RIMBP2: variants seen among roughly 807,000 people sequenced by gnomAD.
RIMBP2 encodes the protein RIMS-binding protein 2.
In RIMBP2, 48 loss-of-function variants were observed where a neutral mutation model predicts 118.6. The ratio of observed to expected loss-of-function variants is 0.40; its 90% CI spans 0.32 to 0.51. The LOEUF (loss-of-function observed/expected upper bound fraction) is 0.51. Ranked by LOEUF, RIMBP2 falls within the 20% of genes least tolerant of loss-of-function variation. RIMBP2 has a pLI of 0.41. For synonymous variants in RIMBP2, 762 were observed against 742.9 expected (o/e 1.03, Z -0.42); for missense variants, 1,551 against 1,768.3 (o/e 0.88, Z 2.20).
chr12:130,646,573 T>C (rs1308894839), intron 1 of RIMBP2, among the ~76,000 whole-genome samples: 2 of 152,116 alleles, frequency 1.3e-5, no homozygotes, highest in African/African-American at 2.4e-5. Flanking sequence ...CTTGCCCCAA[T>C]CCAAGGTCGC....
At chr12:130,550,605 T>C (rs2055666696) in intron 2 of RIMBP2, among the ~76,000 whole-genome samples, 1 of 152,250 alleles carries the variant, frequency 6.6e-6, no homozygotes, top group Admixed American at 6.5e-5. Context: ...GCAATGTTTA[T>C]GTGAGTCTAA....
At chr12:130,415,273 C>T (rs76767030) in intron 17 of RIMBP2, among the ~76,000 whole-genome samples, 5,306 of 152,172 alleles carry the variant, frequency 0.035, 332 homozygotes, top group African/African-American at 0.12. Flanking sequence ...ATATGATTCA[C>T]CACAGAAACA....
In RIMBP2 at chr12:130,470,801, C is replaced by T. The variant is rs563357600; in HGVS notation, c.103-58G>A. ...ATGTCCAAAGGGGAAAGAAGACAAT[C>T]GGATCAATGTCTGAATCACTGGGGG... On this transcript the variant is annotated intron_variant, in intron 5 of 22. Coordinates refer to ENST00000690449, the MANE Select transcript of RIMBP2 (RefSeq NM_001393629.1). The T allele has an allele frequency of 2.8e-4, 288 of 1,016,212 alleles. No individual in the cohort carries two copies. In the African/African-American group the frequency reaches 4.2e-3, roughly 15 times the overall value. 62.9% of individuals were successfully genotyped at this position (1,016,212 alleles called of 1,614,324 possible). A position where few individuals can be genotyped will look rare whatever the true frequency, so the allele number is the denominator to read the frequency against.
intron 1 of RIMBP2, among the ~76,000 whole-genome samples, chr12:130,706,642 A>G (rs1291023686): frequency 1.3e-5 from 2 of 152,338 alleles, no homozygotes; most frequent in Admixed American, 6.5e-5. Flanking sequence ...TCCACTCAGG[A>G]GCCATAAGGA....
rs555645693 is a variant in RIMBP2, at chr12:130,441,323, A to G, written c.1504+525T>C. ...GGCTGAGGCAGGAGAATCGCTTGAAATTGGGAGGCAGAGGTTGCAGTGAGC... is the reference window on the plus strand; with the variant it reads ...GGCTGAGGCAGGAGAATCGCTTGAAGTTGGGAGGCAGAGGTTGCAGTGAGC... On this transcript the variant is annotated intron_variant, in intron 11 of 22. Coordinates refer to ENST00000690449, the MANE Select transcript of RIMBP2 (RefSeq NM_001393629.1). 3.3e-5 allele frequency among the ~76,000 whole-genome samples: 5 copies of G among 151,676 alleles called. No homozygotes were observed. In the East Asian group the frequency reaches 9.7e-4, roughly 30 times the overall value.
intron 13 of RIMBP2, among the ~76,000 whole-genome samples, chr12:130,435,279 G>A (rs1370582882): frequency 2.0e-5 from 3 of 152,080 alleles, no homozygotes; most frequent in Non-Finnish European, 4.4e-5. Flanking sequence ...CCTGAGCTCA[G>A]GTGATCTGCC....
chr12:130,583,409 ACAT>A (rs34904786), intron 2 of RIMBP2, among the ~76,000 whole-genome samples: 123,924 of 149,974 alleles, frequency 0.83, 51,157 homozygotes, highest in South Asian at 0.88. Context: ...CATCACCATT[ACAT>A]CATCATCATC....
intron 4 of RIMBP2, 133 bp from the exon 5 acceptor site, chr12:130,479,149 C>T: frequency 1.7e-6 from 1 of 590,136 alleles, no homozygotes; most frequent in Admixed American, 3.6e-5. Context: ...CCACAGGGCA[C>T]CCACCTCCGT....
At chr12:130,502,819 T>G (rs1048122189) in intron 4 of RIMBP2, among the ~76,000 whole-genome samples, 2 of 152,308 alleles carry the variant, frequency 1.3e-5, no homozygotes, top group African/African-American at 4.8e-5. Flanking sequence ...TGTGAATGAA[T>G]GAACAGTCAT....
At chr12:130,602,249 G>T (rs2059920353) in intron 2 of RIMBP2, among the ~76,000 whole-genome samples, 2 of 152,198 alleles carry the variant, frequency 1.3e-5, no homozygotes. Flanking sequence ...CCTAAGGTAG[G>T]TACCCACATT....
chr12:130,487,468 C>G (rs1311802575), intron 4 of RIMBP2, among the ~76,000 whole-genome samples: 1 of 152,198 alleles, frequency 6.6e-6, no homozygotes, highest in Non-Finnish European at 1.5e-5. Context: ...ATGTGATGCA[C>G]CTGCTCCCAC....
At chr12:130,664,429 A>G (rs77918759) in intron 1 of RIMBP2, among the ~76,000 whole-genome samples, 2 of 64,622 alleles carry the variant, frequency 3.1e-5, no homozygotes, top group Admixed American at 1.3e-4. Context: ...ACGCACACAC[A>G]TGCATGCACG....
intron 2 of RIMBP2, among the ~76,000 whole-genome samples, chr12:130,529,668 A>G (rs547045115): frequency 2.0e-5 from 3 of 152,216 alleles, no homozygotes; most frequent in Admixed American, 6.5e-5. Context: ...ACCTCCCAGC[A>G]AAAGAGTCTG....
intron 2 of RIMBP2, among the ~76,000 whole-genome samples, chr12:130,573,607 T>C (rs772469658): frequency 1.3e-5 from 2 of 152,128 alleles, no homozygotes; most frequent in Admixed American, 6.5e-5. Flanking sequence ...AGTTCAGAGA[T>C]GTGACTCTAG....
chr12:130,634,223 T>C (rs1429966802), intron 1 of RIMBP2, among the ~76,000 whole-genome samples: 1 of 152,046 alleles, frequency 6.6e-6, no homozygotes, highest in Non-Finnish European at 1.5e-5. Context: ...GAATTACATA[T>C]CCTTGGGAGC....
intron 1 of RIMBP2, among the ~76,000 whole-genome samples, chr12:130,665,761 C>A (rs978245872): frequency 4.6e-5 from 7 of 152,148 alleles, no homozygotes; most frequent in African/African-American, 1.7e-4. Flanking sequence ...CACACACACA[C>A]ACACACAGCT....
chr12:130,647,287 C>A (rs2063030698), intron 1 of RIMBP2, among the ~76,000 whole-genome samples: 1 of 152,094 alleles, frequency 6.6e-6, no homozygotes, highest in Non-Finnish European at 1.5e-5. Flanking sequence ...CTCTTGAACC[C>A]GGGGGGTGGA....
At chr12:130,649,541 C>G (rs1402079164) in intron 1 of RIMBP2, among the ~76,000 whole-genome samples, 1 of 152,224 alleles carries the variant, frequency 6.6e-6, no homozygotes, top group African/African-American at 2.4e-5. Context: ...TGGCTTCCCA[C>G]AGCCGTTCTG....
intron 1 of RIMBP2, among the ~76,000 whole-genome samples, chr12:130,671,042 G>C (rs2064172500): frequency 6.6e-6 from 1 of 152,138 alleles, no homozygotes; most frequent in Non-Finnish European, 1.5e-5. Context: ...TGACAGACGT[G>C]AGCCACCACA....
Sources: allele counts gnomAD v4.1 joint callset (sites outside exome capture counted in the v4.1 genomes callset), GRCh38; gene constraint gnomAD v4.1.1; transcripts MANE v1.5; gene names NCBI Gene and HGNC (gene_info 2026-07-23, HGNC 2026-07-21).